The following CCDC144A variants were observed in gnomAD, a reference collection of about 807,000 sequenced individuals.
CCDC144A encodes the protein coiled-coil domain containing 144A, also known as coiled-coil domain-containing protein 144A.
In CCDC144A, 41 loss-of-function variants were observed where a neutral mutation model predicts 143.8. The observed-to-expected ratio is 0.29, with a 90% CI of 0.22 to 0.37. The LOEUF is 0.37. CCDC144A is among the 10% of genes least tolerant of loss of function. The pLI is 1.00. For missense variants in CCDC144A, 637 were observed against 1,488.8 expected, an observed-to-expected ratio of 0.43 and a Z score of 9.41; for synonymous variants, 242 against 517.9, an observed-to-expected ratio of 0.47 and a Z score of 7.23.
At chr17:16,768,825 A>T (rs1915712384) in intron 15 of CCDC144A, among the ~76,000 whole-genome samples, 2 of 151,010 alleles carry the variant, frequency 1.3e-5, no homozygotes, top group Admixed American at 1.3e-4. Flanking sequence ...CCCTCTTTAA[A>T]GTGGAGGTAG....
intron 12 of CCDC144A, among the ~76,000 whole-genome samples, chr17:16,759,352 T>G (rs1398524640): frequency 6.6e-6 from 1 of 152,246 alleles, no homozygotes; most frequent in African/African-American, 2.4e-5. Flanking sequence ...ATGTCATTAC[T>G]CAACACATAT....
chr17:16,728,715 G>C lies in CCDC144A; in HGVS notation c.2105+975G>C, dbSNP rs1913555393. The stretch of plus-strand genomic sequence containing the variant: ...AGTACACATTGTACCTCAGTAGGTA[G>C]TTTCTCATCCCTCATCCTCCTCCCA... On this transcript the variant is annotated intron_variant, in intron 9 of 16. Transcript: ENST00000399273. Among the ~76,000 whole-genome samples the C allele has an allele frequency of 7.2e-5, 11 of 152,164 alleles. No homozygotes were observed. In the South Asian group the frequency reaches 2.1e-3, roughly 29 times the overall value.
At position 16,690,552 on chromosome 17, in the gene CCDC144A, A is replaced by G. The variant is rs1258042640; in HGVS notation, c.152A>G (p.Tyr51Cys). Residue 51 changes from tyrosine (Y) to cysteine (C), a missense_variant, in exon 1 of 17, where the codon TAC (tyrosine) becomes TGC (cysteine). Physicochemically the swap from Tyr to Cys is radical, Grantham distance 194. Coordinates refer to ENST00000399273, the MANE Select transcript of CCDC144A (RefSeq NM_001382000.1). ...GACCAGTGGTCCTCGGGCTTCCCCT[A>G]CAGCTGGTGGAAAAACAGCGTCGGC... Reference protein sequence around the residue: ...PGDQWSSGFPYSWWKNSVGSE... With the variant: ...PGDQWSSGFPCSWWKNSVGSE... 2.5e-6 allele frequency: 4 copies of G among 1,613,774 alleles called. No homozygotes were observed. The highest frequency in any genetic ancestry group is 1.1e-5 in the South Asian group (1 of 91,062).
At chr17:16,684,780 A>G (rs1386739537), upstream of CCDC144A, among the ~76,000 whole-genome samples, 1 of 152,106 alleles carries the variant, frequency 6.6e-6, no homozygotes, top group South Asian at 2.1e-4. Context: ...CCTGGTTAAC[A>G]TGGTGAGACT....
intron 12 of CCDC144A, among the ~76,000 whole-genome samples, chr17:16,738,610 T>G (rs1914127930): frequency 1.3e-5 from 2 of 152,242 alleles, no homozygotes; most frequent in Non-Finnish European, 2.9e-5. Context: ...TGTTGTAACA[T>G]GTATCAATAT....
chr17:16,695,896 G>A (rs1324331875), intron 2 of CCDC144A, among the ~76,000 whole-genome samples: 1 of 152,254 alleles, frequency 6.6e-6, no homozygotes, highest in South Asian at 2.1e-4. Flanking sequence ...AAGGAGCAGC[G>A]AGTGCAAAAG....
At chr17:16,669,536 C>T in the CCDC144A span, among the ~76,000 whole-genome samples, 1 of 152,220 alleles carries the variant, frequency 6.6e-6, no homozygotes, top group East Asian at 1.9e-4. Context: ...AAGCATTCTC[C>T]AACACTTTTT....
intron 12 of CCDC144A, among the ~76,000 whole-genome samples, chr17:16,754,046 GT>G (rs1320668542): frequency 6.6e-6 from 1 of 152,028 alleles, no homozygotes; most frequent in Non-Finnish European, 1.5e-5. Context: ...TTTCTTCTTG[GT>G]TCATTCTTGC....
rs1337266281 is a variant in CCDC144A, at chr17:16,776,306, T to G, written c.*2673T>G. The G allele has an allele frequency of 1.3e-5, 2 of 152,272 alleles. No homozygotes were observed. Among genetic ancestry groups the G allele is most frequent in the Non-Finnish European group, 2.9e-5 (2 of 68,074 alleles). 9.4% of individuals were successfully genotyped at this position (152,272 alleles called of 1,614,324 possible). ...AGATTGCCTTGGGCAGTGTGGTCAT[T>G]TTCACGATATTGAACCTTCCTGTCT... On this transcript the variant is annotated 3_prime_UTR_variant, in exon 17 of 17. Coordinates refer to ENST00000399273, the MANE Select transcript of CCDC144A (RefSeq NM_001382000.1).
chr17:16,703,800 C>T (rs1359860775), intron 2 of CCDC144A, among the ~76,000 whole-genome samples: 2 of 152,084 alleles, frequency 1.3e-5, no homozygotes, highest in Admixed American at 6.5e-5. Context: ...GAGACTCCAT[C>T]TCAAAAAACA....
At chr17:16,708,233 T>G (rs1597542773) in intron 4 of CCDC144A, among the ~76,000 whole-genome samples, 1 of 152,324 alleles carries the variant, frequency 6.6e-6, no homozygotes, top group East Asian at 1.9e-4. Flanking sequence ...TATATAACCC[T>G]ATGATGTTAC....
intron 15 of CCDC144A, among the ~76,000 whole-genome samples, chr17:16,771,029 G>A (rs1417030705): frequency 1.3e-5 from 2 of 152,038 alleles, no homozygotes; most frequent in Admixed American, 6.6e-5. Context: ...ATTTCTAAAG[G>A]CATTAGATAT....
At chr17:16,718,159 C>A (rs1219453379) in intron 6 of CCDC144A, among the ~76,000 whole-genome samples, 1 of 152,108 alleles carries the variant, frequency 6.6e-6, no homozygotes, top group East Asian at 1.9e-4. Context: ...ATGATGAGGG[C>A]TGGTAACTTT....
intron 9 of CCDC144A, among the ~76,000 whole-genome samples, chr17:16,728,508 A>G (rs1913544510): frequency 6.6e-6 from 1 of 152,224 alleles, no homozygotes; most frequent in Non-Finnish European, 1.5e-5. Context: ...AGTTCAAGCA[A>G]CAGAGCATGA....
the CCDC144A span, among the ~76,000 whole-genome samples, chr17:16,679,465 T>A: frequency 6.7e-6 from 1 of 150,162 alleles, no homozygotes; most frequent in South Asian, 2.1e-4. Flanking sequence ...GGTTAGTAAT[T>A]TTTTTTTTTT....
the CCDC144A span, among the ~76,000 whole-genome samples, chr17:16,674,156 G>C: frequency 1.3e-5 from 2 of 152,024 alleles, no homozygotes; most frequent in African/African-American, 4.8e-5. Context: ...GCTCATGCCT[G>C]TATTCCCAGC....
intron 2 of CCDC144A, among the ~76,000 whole-genome samples, chr17:16,699,503 G>C (rs28654783): frequency 7.8e-5 from 1 of 12,794 alleles, no homozygotes; most frequent in Non-Finnish European, 1.3e-4. Context: ...AGCCTCCTGA[G>C]TAGCTGGGAT....
At chr17:16,677,988 C>T in the CCDC144A span, among the ~76,000 whole-genome samples, 2 of 151,864 alleles carry the variant, frequency 1.3e-5, no homozygotes, top group African/African-American at 4.8e-5. Flanking sequence ...TGGTTTCAAC[C>T]TATTCTGTTT....
chr17:16,701,129 CTG>C (rs1035579145), intron 2 of CCDC144A, among the ~76,000 whole-genome samples: 5 of 151,936 alleles, frequency 3.3e-5, no homozygotes, highest in Admixed American at 3.3e-4. Context: ...CAAGGTGACT[CTG>C]TCTTTTTATA....
Sources: gnomAD v4.1 joint callset for allele counts (sites outside exome capture counted in the v4.1 genomes callset) on GRCh38, gnomAD v4.1.1 for gene constraint, MANE v1.5 for transcripts, NCBI Gene and HGNC (gene_info 2026-07-23, HGNC 2026-07-21) for gene names.